Variants in MAGI2 observed in about 807,000 individuals in gnomAD.
MAGI2 encodes the protein membrane associated guanylate kinase, WW and PDZ domain containing 2, also known as membrane-associated guanylate kinase, WW and PDZ domain-containing protein 2.
Under a neutral mutation model 133.3 loss-of-function variants are expected in MAGI2, and 35 were observed. The ratio of observed to expected loss-of-function variants is 0.26; its 90% CI spans 0.20 to 0.35. The LOEUF (loss-of-function observed/expected upper bound fraction) is 0.35, where lower values mean the gene tolerates loss of function less well. MAGI2 is among the 10% of genes least tolerant of loss of function. The pLI, the probability that MAGI2 is intolerant of heterozygous loss-of-function variation, is 1.00. For synonymous variants in MAGI2, 729 were observed against 710.6 expected, an observed-to-expected ratio of 1.03 and a Z score of -0.41; for missense variants, 1,636 against 1,863.4, an observed-to-expected ratio of 0.88 and a Z score of 2.25.
In MAGI2 at chr7:78,831,367, T is replaced by A. The variant is rs111371389; in HGVS notation, c.418+175723A>T. On this transcript the variant is annotated intron_variant, in intron 2 of 21. Transcript: ENST00000354212. The stretch of plus-strand genomic sequence containing the variant: ...CTTTGAGTAAGAATCCAAGTAATTT[T>A]ACAGCAGTTCAGTTATAAGCTCAGA... 4.9e-3 allele frequency among the ~76,000 whole-genome samples: 741 copies of A among 152,284 alleles called. 6 individuals carry two copies. Among genetic ancestry groups the A allele is most frequent in the African/African-American group, 0.017 (695 of 41,560 alleles).
chr7:79,095,258 A>G (rs979226032), intron 1 of MAGI2, among the ~76,000 whole-genome samples: 1 of 152,312 alleles, frequency 6.6e-6, no homozygotes, highest in East Asian at 1.9e-4. Context: ...AACCTTTGAC[A>G]CAAGACAGTG....
At chr7:78,229,591 T>A (rs984100622) in intron 10 of MAGI2, among the ~76,000 whole-genome samples, 2 of 152,200 alleles carry the variant, frequency 1.3e-5, no homozygotes, top group East Asian at 1.9e-4. Context: ...CAGCCCGTGG[T>A]CCTGCAAGGA....
chr7:78,694,261 A>G (rs750152091), intron 2 of MAGI2, among the ~76,000 whole-genome samples: 6 of 152,158 alleles, frequency 3.9e-5, no homozygotes, highest in Non-Finnish European at 7.4e-5. Context: ...TAGCAAAGTC[A>G]TATAGTTCTT....
At chr7:79,234,558 T>C (rs554497973) in intron 1 of MAGI2, among the ~76,000 whole-genome samples, 1 of 152,250 alleles carries the variant, frequency 6.6e-6, no homozygotes, top group African/African-American at 2.4e-5. Context: ...CTTCCATTGC[T>C]GACACCCTTT....
At chr7:79,155,200 C>T (rs1305137558) in intron 1 of MAGI2, among the ~76,000 whole-genome samples, 1 of 152,094 alleles carries the variant, frequency 6.6e-6, no homozygotes, top group Non-Finnish European at 1.5e-5. Context: ...CTTTGCTTTG[C>T]TTATTTACAG....
At chr7:78,628,527 TA>T (rs1424473470) in intron 2 of MAGI2, among the ~76,000 whole-genome samples, 3 of 152,118 alleles carry the variant, frequency 2.0e-5, no homozygotes, top group African/African-American at 7.2e-5. Flanking sequence ...TCAGAATGTA[TA>T]ATATGCCAGG....
At position 78,281,461 on chromosome 7, in the gene MAGI2, C is replaced by T. The variant is rs184804576; in HGVS notation, c.1409-24880G>A. Among the ~76,000 whole-genome samples the T allele has an allele frequency of 1.7e-3, 254 of 152,238 alleles. 1 individual carries two copies. The highest frequency in any genetic ancestry group is 3.1e-3 in the Admixed American group (48 of 15,278). ...TTCACTGAGCACCTCTCCTTCCTGCCACTTTGTGAAGTAAGTAAGTGCCTT... is the reference window on the plus strand; with the variant it reads ...TTCACTGAGCACCTCTCCTTCCTGCTACTTTGTGAAGTAAGTAAGTGCCTT... On this transcript the variant is annotated intron_variant, in intron 9 of 21. Transcript: ENST00000354212.
intron 20 of MAGI2, among the ~76,000 whole-genome samples, chr7:78,092,627 A>G (rs1217606274): frequency 6.6e-6 from 1 of 152,202 alleles, no homozygotes; most frequent in Non-Finnish European, 1.5e-5. Context: ...ATTGGAAATA[A>G]AAACATAAAG....
intron 6 of MAGI2, among the ~76,000 whole-genome samples, chr7:78,470,282 G>T (rs1791061915): frequency 6.6e-6 from 1 of 152,068 alleles, no homozygotes; most frequent in Non-Finnish European, 1.5e-5. Context: ...GACCACTGTG[G>T]AATCTGTCAT....
intron 15 of MAGI2, among the ~76,000 whole-genome samples, chr7:78,161,184 A>T (rs1824938483): frequency 1.3e-5 from 2 of 152,164 alleles, no homozygotes; most frequent in African/African-American, 4.8e-5. Flanking sequence ...AACCAAACTA[A>T]TACTTTCATG....
chr7:78,663,931 A>G (rs1367957489), intron 2 of MAGI2, among the ~76,000 whole-genome samples: 2 of 152,248 alleles, frequency 1.3e-5, no homozygotes, highest in Non-Finnish European at 1.5e-5. Flanking sequence ...AGCCACCAGC[A>G]GCACATATAA....
chr7:79,120,538 G>A (rs2129544590), intron 1 of MAGI2, among the ~76,000 whole-genome samples: 1 of 152,076 alleles, frequency 6.6e-6, no homozygotes, highest in East Asian at 1.9e-4. Flanking sequence ...TATGTGGTCT[G>A]ATTGGCAAAT....
intron 16 of MAGI2, among the ~76,000 whole-genome samples, chr7:78,154,336 A>T (rs1233911065): frequency 6.6e-6 from 1 of 152,258 alleles, no homozygotes; most frequent in Non-Finnish European, 1.5e-5. Context: ...GAGAAAGCAC[A>T]CATGTGGAAA....
At chr7:79,426,957 A>G (rs557594872) in intron 1 of MAGI2, among the ~76,000 whole-genome samples, 1 of 152,292 alleles carries the variant, frequency 6.6e-6, no homozygotes, top group African/African-American at 2.4e-5. Flanking sequence ...GTCCTAAAAA[A>G]GGAAAAAAAA....
In MAGI2 at chr7:78,560,066, C is replaced by T. The variant is rs142111114; in HGVS notation, c.539-38421G>A. Reference sequence around the variant, plus strand: ...AGGATGACAAAAGAAAAAAATATTACATGTTCCATGCCCACACAAAGCAGG... The same window carrying T: ...AGGATGACAAAAGAAAAAAATATTATATGTTCCATGCCCACACAAAGCAGG... On this transcript the variant is annotated intron_variant, in intron 3 of 21. Transcript: ENST00000354212. 4.7e-4 allele frequency among the ~76,000 whole-genome samples: 71 copies of T among 152,212 alleles called. No homozygotes were observed. In the East Asian group the frequency reaches 8.9e-3, roughly 19 times the overall value.
chr7:78,679,102 G>A (rs1815365622), intron 2 of MAGI2, among the ~76,000 whole-genome samples: 1 of 151,966 alleles, frequency 6.6e-6, no homozygotes, highest in Non-Finnish European at 1.5e-5. Flanking sequence ...TGTCTACTTT[G>A]CCCTCACCCA....
At chr7:79,268,850 G>A (rs1025104752) in intron 1 of MAGI2, among the ~76,000 whole-genome samples, 5 of 152,114 alleles carry the variant, frequency 3.3e-5, no homozygotes, top group African/African-American at 1.2e-4. Context: ...CCTCAACACC[G>A]TGACATGGGG....
At chr7:78,168,240 C>G in intron 14 of MAGI2, 132 bp from the exon 15 acceptor site, 1 of 699,970 alleles carries the variant, frequency 1.4e-6, no homozygotes, top group Non-Finnish European at 2.4e-6. Context: ...ACTGCAAGCT[C>G]TGCCTCCCAG....
intron 1 of MAGI2, among the ~76,000 whole-genome samples, chr7:79,106,947 T>C (rs1287137675): frequency 6.6e-6 from 1 of 152,200 alleles, no homozygotes; most frequent in African/African-American, 2.4e-5. Flanking sequence ...TACCAGCATT[T>C]CTCAAAATGT....
Sources: allele counts gnomAD v4.1 joint callset (sites outside exome capture counted in the v4.1 genomes callset), GRCh38; gene constraint gnomAD v4.1.1; transcripts MANE v1.5; gene names NCBI Gene and HGNC (gene_info 2026-07-23, HGNC 2026-07-21).